Variants in DAAM1 observed in about 807,000 individuals in gnomAD.
DAAM1 encodes the protein dishevelled associated activator of morphogenesis 1.
DAAM1 carries 52 observed loss-of-function variants against 130.0 expected under a neutral mutation model. That is an observed-to-expected ratio of 0.40 (90% CI 0.32 to 0.50). DAAM1 has a LOEUF of 0.50. Among genes scored for constraint, DAAM1 ranks in the 20% least tolerant of loss-of-function variants. DAAM1 has a pLI of 0.61. For missense variants in DAAM1, 1,134 were observed against 1,303.8 expected, an observed-to-expected ratio of 0.87 and a Z score of 2.01; for synonymous variants, 452 against 444.5, an observed-to-expected ratio of 1.02 and a Z score of -0.21.
At chr14:59,325,892 G>T in intron 9 of DAAM1, 68 bp from the exon 10 acceptor site, 1 of 1,556,792 alleles carries the variant, frequency 6.4e-7, no homozygotes, top group Non-Finnish European at 8.8e-7. Flanking sequence ...TTTGCTTTGA[G>T]TTTACTTTAC....
chr14:59,274,234 C>T (rs1249667644), intron 2 of DAAM1, among the ~76,000 whole-genome samples: 1 of 152,090 alleles, frequency 6.6e-6, no homozygotes, highest in East Asian at 1.9e-4. Context: ...TATTTCATTA[C>T]TCAGTGCAAT....
intron 2 of DAAM1, among the ~76,000 whole-genome samples, chr14:59,269,806 C>T (rs1354008058): frequency 6.6e-6 from 1 of 151,974 alleles, no homozygotes; most frequent in Non-Finnish European, 1.5e-5. Flanking sequence ...GTGAGAAGAG[C>T]ATGTATAAGT....
intron 16 of DAAM1, among the ~76,000 whole-genome samples, chr14:59,343,045 C>T (rs1457619650): frequency 6.6e-6 from 1 of 152,168 alleles, no homozygotes; most frequent in African/African-American, 2.4e-5. Flanking sequence ...ATAACCTCCT[C>T]ATCTATAAAA....
intron 1 of DAAM1, among the ~76,000 whole-genome samples, chr14:59,258,387 T>G (rs189235784): frequency 6.6e-6 from 1 of 152,284 alleles, no homozygotes; most frequent in African/African-American, 2.4e-5. Context: ...CTCTTCAGTG[T>G]GTGGCCCCTC....
chr14:59,235,071 C>G (rs983271349), intron 1 of DAAM1, among the ~76,000 whole-genome samples: 1 of 151,810 alleles, frequency 6.6e-6, no homozygotes, highest in African/African-American at 2.4e-5. Flanking sequence ...ATTTTTGTCT[C>G]GATGTTCATC....
At chr14:59,199,249 T>G (rs1417854064) in intron 1 of DAAM1, among the ~76,000 whole-genome samples, 1 of 152,246 alleles carries the variant, frequency 6.6e-6, no homozygotes. Flanking sequence ...ACAGTTCTGT[T>G]TAAATTGATC....
chr14:59,209,468 A>C (rs967183228), intron 1 of DAAM1, among the ~76,000 whole-genome samples: 1 of 152,188 alleles, frequency 6.6e-6, no homozygotes, highest in African/African-American at 2.4e-5. Flanking sequence ...TTCCACTTGC[A>C]GTTTTTTGAT....
At chr14:59,198,211 T>C (rs890085343) in intron 1 of DAAM1, among the ~76,000 whole-genome samples, 4 of 149,744 alleles carry the variant, frequency 2.7e-5, no homozygotes, top group South Asian at 2.1e-4. Context: ...TTCTTTCTTT[T>C]TTTTTTTTTT....
intron 22 of DAAM1, 63 bp from the exon 23 acceptor site, chr14:59,363,588 C>G (rs1436312688): frequency 6.3e-6 from 10 of 1,598,336 alleles, no homozygotes; most frequent in Middle Eastern, 1.7e-4. Flanking sequence ...AAATATGAGA[C>G]GAGGTGTGTC....
intron 1 of DAAM1, among the ~76,000 whole-genome samples, chr14:59,196,734 T>A (rs559966487): frequency 4.0e-5 from 6 of 151,406 alleles, no homozygotes; most frequent in African/African-American, 1.5e-4. Flanking sequence ...CAGAGCGAGA[T>A]TCTGTCTCAA....
chr14:59,278,232 T>C (rs1411886110), intron 2 of DAAM1, among the ~76,000 whole-genome samples: 2 of 152,160 alleles, frequency 1.3e-5, no homozygotes, highest in East Asian at 3.9e-4. Context: ...CGAGGTAGTG[T>C]TAGCCTACTA....
rs1362830255 is a variant in DAAM1, at chr14:59,353,758, C to CG, written c.2268-113dup. On this transcript the variant is annotated intron_variant, in intron 18 of 24. Transcript: ENST00000360909. ...ATGAGAACAACTAATGTATGTGTGT[C>CG]GGGGGAGTGGGTGGGTATTGGGGGA... The CG allele has an allele frequency of 4.8e-6, 4 of 832,358 alleles. No homozygotes were observed. The African/African-American group carries it at 6.8e-5, about 14-fold the overall frequency. The allele number at this position is 832,358 out of a possible 1,614,324, so 51.6% of individuals were successfully genotyped here. A position where few individuals can be genotyped will look rare whatever the true frequency, so the allele number is the denominator to read the frequency against.
At chr14:59,347,946 C>G (rs568499725) in intron 17 of DAAM1, among the ~76,000 whole-genome samples, 1 of 152,150 alleles carries the variant, frequency 6.6e-6, no homozygotes, top group African/African-American at 2.4e-5. Flanking sequence ...ACAGGAATAT[C>G]GAGAATCTCA....
intron 1 of DAAM1, among the ~76,000 whole-genome samples, chr14:59,261,628 C>T (rs1594785537): frequency 6.6e-6 from 1 of 152,214 alleles, no homozygotes; most frequent in East Asian, 1.9e-4. Context: ...CTCCCAGTTC[C>T]TGACTGTAGA....
intron 24 of DAAM1, among the ~76,000 whole-genome samples, chr14:59,368,028 T>G (rs1886989545): frequency 6.6e-6 from 1 of 152,108 alleles, no homozygotes; most frequent in Non-Finnish European, 1.5e-5. Flanking sequence ...GAAAAAGATT[T>G]CTACATGAAA....
At chr14:59,316,326 G>A (rs1286272094) in intron 4 of DAAM1, among the ~76,000 whole-genome samples, 1 of 152,072 alleles carries the variant, frequency 6.6e-6, no homozygotes, top group Non-Finnish European at 1.5e-5. Context: ...ACATTTTCCT[G>A]CTGCTGGAAT....
intron 23 of DAAM1, 73 bp from the exon 24 acceptor site, chr14:59,367,356 T>C: frequency 6.6e-7 from 1 of 1,518,380 alleles, no homozygotes; most frequent in Non-Finnish European, 8.8e-7. Flanking sequence ...GGCTTTGGTC[T>C]TTCTCAAGTT....
Position 59,326,124 on chromosome 14 carries a change from T to G in DAAM1, c.1174+47T>G, listed in dbSNP as rs150651346. The G allele has an allele frequency of 9.7e-3, 15,110 of 1,550,938 alleles. 110 individuals are homozygous for G. The highest frequency in any genetic ancestry group is 0.018 in the Middle Eastern group (104 of 5,922). On this transcript the variant is annotated intron_variant, in intron 10 of 24. Coordinates refer to ENST00000360909, the MANE Select transcript of DAAM1 (RefSeq NM_001270520.2). The stretch of plus-strand genomic sequence containing the variant: ...ATGTGTGCTTCTGAATGTTTGGACA[T>G]TGTCCTAATGGGTTCTGGCTCCTGC...
Position 59,353,747 on chromosome 14 carries a change from T to C in DAAM1, c.2268-129T>C. 6.4e-6 allele frequency: 5 copies of C among 775,472 alleles called. No individual in the cohort carries two copies. The South Asian group carries it at 8.8e-5, about 14-fold the overall frequency. 48.0% of individuals were successfully genotyped at this position (775,472 alleles called of 1,614,324 possible). On this transcript the variant is annotated intron_variant, in intron 18 of 24. Coordinates refer to ENST00000360909, the MANE Select transcript of DAAM1 (RefSeq NM_001270520.2). ...TGTTCCTGTCCATGAGAACAACTAA[T>C]GTATGTGTGTCGGGGGAGTGGGTGG... is the stretch of plus-strand genomic sequence containing the variant.
Sources: allele counts gnomAD v4.1 joint callset (sites outside exome capture counted in the v4.1 genomes callset), GRCh38; gene constraint gnomAD v4.1.1; transcripts MANE v1.5; gene names NCBI Gene and HGNC (gene_info 2026-07-23, HGNC 2026-07-21).